KHDRBS1: variants seen among roughly 807,000 people sequenced by gnomAD.
The protein encoded by KHDRBS1 is KH RNA binding domain containing, signal transduction associated 1.
KHDRBS1 carries 7 observed loss-of-function variants against 48.4 expected under a neutral mutation model. The ratio of observed to expected loss-of-function variants is 0.14; its 90% CI spans 0.08 to 0.27. KHDRBS1 has a LOEUF of 0.27. Among genes scored for constraint, KHDRBS1 ranks in the 10% least tolerant of loss-of-function variants. The pLI, the probability that KHDRBS1 is intolerant of heterozygous loss-of-function variation, is 1.00. For missense variants in KHDRBS1, 458 were observed against 601.2 expected, an observed-to-expected ratio of 0.76 and a Z score of 2.49; for synonymous variants, 241 against 235.8, an observed-to-expected ratio of 1.02 and a Z score of -0.20.
Position 32,014,296 on chromosome 1 carries a change from A to G in KHDRBS1, c.301A>G (p.Asn101Asp). 1 of 1,561,404 alleles carries G rather than the reference A, an allele frequency of 6.4e-7. No homozygotes were observed. Among genetic ancestry groups the G allele is most frequent in the Non-Finnish European group, 8.7e-7 (1 of 1,154,236 alleles). Reference sequence around the variant, plus strand: ...AGCCTCGGTCAAGATGGAGCCAGAGAACAAGTACCTGCCCGAACTCATGGC... The same window carrying G: ...AGCCTCGGTCAAGATGGAGCCAGAGGACAAGTACCTGCCCGAACTCATGGC... ...ATASVKMEPENKYLPELMAEK... is the reference protein window; with the variant it reads ...ATASVKMEPEDKYLPELMAEK... Residue 101 changes from asparagine to aspartate, a missense_variant, in exon 1 of 9, where the codon AAC (asparagine) becomes GAC (aspartate). Physicochemically the swap from Asn to Asp is conservative, Grantham distance 23. Coordinates refer to ENST00000327300, the MANE Select transcript of KHDRBS1 (RefSeq NM_006559.3).
chr1:32,037,118 A>T lies in KHDRBS1; in HGVS notation c.905+75A>T, dbSNP rs1040936460. 2.7e-6 allele frequency: 4 copies of T among 1,505,344 alleles called. No individual in the cohort carries two copies. In the African/African-American group the frequency reaches 5.6e-5, roughly 21 times the overall value. 93.2% of individuals were successfully genotyped at this position (1,505,344 alleles called of 1,614,324 possible). ...TGTCATCTCTTTTAGTGGTGCTCTTATGTCTAGCTTAGGAAGGGTCTCAGG... is the reference window on the plus strand; with the variant it reads ...TGTCATCTCTTTTAGTGGTGCTCTTTTGTCTAGCTTAGGAAGGGTCTCAGG... On this transcript the variant is annotated intron_variant, in intron 5 of 8. Coordinates refer to ENST00000327300, the MANE Select transcript of KHDRBS1 (RefSeq NM_006559.3).
chr1:32,013,973 C>T lies in KHDRBS1; in HGVS notation c.-23C>T, dbSNP rs1263551468. The T allele has an allele frequency of 7.5e-6, 11 of 1,471,086 alleles. No individual in the cohort carries two copies. The highest frequency in any genetic ancestry group is 1.3e-5 in the South Asian group (1 of 75,348). 91.1% of individuals were successfully genotyped at this position (1,471,086 alleles called of 1,614,324 possible). ...GTCGCTGCCGCGTCGCTTTCTCGCT[C>T]CTTGGATCGCACATCCTCCCAGATG... On this transcript the variant is annotated 5_prime_UTR_variant, in exon 1 of 9. Coordinates refer to ENST00000327300, the MANE Select transcript of KHDRBS1 (RefSeq NM_006559.3).
At chr1:32,031,073 AC>A (rs1639072870) in intron 2 of KHDRBS1, among the ~76,000 whole-genome samples, 1 of 151,992 alleles carries the variant, frequency 6.6e-6, no homozygotes, top group Non-Finnish European at 1.5e-5. Context: ...ACATAGCGAA[AC>A]CCCATCTCTA....
At chr1:32,033,092 C>A in intron 3 of KHDRBS1, 96 bp from the exon 4 acceptor site, 2 of 869,032 alleles carry the variant, frequency 2.3e-6, no homozygotes, top group Non-Finnish European at 3.8e-6. Flanking sequence ...TTTTCATGGA[C>A]ATTAGGGGTA....
chr1:32,014,342 C>T lies in KHDRBS1; in HGVS notation c.347C>T (p.Pro116Leu), dbSNP rs774175994. Residue 116 changes from proline to leucine, a missense_variant, in exon 1 of 9, where the codon CCG (proline) becomes CTG (leucine). Physicochemically the swap from Pro to Leu is moderately conservative, Grantham distance 98. This residue lies in a region of KHDRBS1 where 213 missense variants were observed against 215.6 expected (regional missense o/e 0.99). Coordinates refer to ENST00000327300, the MANE Select transcript of KHDRBS1 (RefSeq NM_006559.3). ...ATGGCCGAGAAGGACTCGCTCGACC[C>T]GTCCTTCACTCACGCCATGCAGCTG... ...ELMAEKDSLD[P>L]SFTHAMQLLT... The T allele has an allele frequency of 6.5e-6, 10 of 1,529,248 alleles. No homozygotes were observed. Among genetic ancestry groups the T allele is most frequent in the South Asian group, 6.1e-5 (5 of 82,078 alleles). The allele number at this position is 1,529,248 out of a possible 1,614,324, so 94.7% of individuals were successfully genotyped here.
At chr1:32,015,522 C>T (rs931905714) in intron 1 of KHDRBS1, among the ~76,000 whole-genome samples, 3 of 152,182 alleles carry the variant, frequency 2.0e-5, no homozygotes, top group Non-Finnish European at 4.4e-5. Context: ...GGGATCTTTA[C>T]CAGTGTGGTG....
chr1:32,053,811 A>G (rs531869982), intron 10 of KHDRBS1, among the ~76,000 whole-genome samples: 1 of 152,332 alleles, frequency 6.6e-6, no homozygotes, highest in Admixed American at 6.5e-5. Context: ...GGCCGGGTGC[A>G]GTGGCTCACA....
chr1:32,052,830 T>A (rs1262246398), intron 10 of KHDRBS1: 1 of 152,168 alleles, frequency 6.6e-6, no homozygotes, highest in Admixed American at 6.5e-5. Context: ...GTGAGGTAGA[T>A]GTTATTATCC....
At chr1:32,027,050 C>G (rs750603378) in intron 1 of KHDRBS1, among the ~76,000 whole-genome samples, 3 of 152,208 alleles carry the variant, frequency 2.0e-5, no homozygotes, top group Non-Finnish European at 4.4e-5. Flanking sequence ...CCACCTCAGC[C>G]TCCCAAACTG....
chr1:32,018,376 A>G (rs1358892572), intron 1 of KHDRBS1, among the ~76,000 whole-genome samples: 1 of 151,972 alleles, frequency 6.6e-6, no homozygotes, highest in East Asian at 1.9e-4. Context: ...CAGGAAGATC[A>G]TTTGAACTCA....
At chr1:32,016,629 C>T (rs962047119) in intron 1 of KHDRBS1, among the ~76,000 whole-genome samples, 1 of 152,158 alleles carries the variant, frequency 6.6e-6, no homozygotes, top group Non-Finnish European at 1.5e-5. Flanking sequence ...ACTGTGGCTC[C>T]TCCAGGCACC....
At chr1:32,039,977 C>T (rs772693647) in intron 8 of KHDRBS1, among the ~76,000 whole-genome samples, 3 of 151,796 alleles carry the variant, frequency 2.0e-5, no homozygotes, top group Admixed American at 6.6e-5. Context: ...AGAACTTAAT[C>T]GTACACAACT....
chr1:32,027,571 A>G (rs967381805), intron 1 of KHDRBS1, among the ~76,000 whole-genome samples: 1 of 152,210 alleles, frequency 6.6e-6, no homozygotes, highest in Admixed American at 6.5e-5. Context: ...GAGCACTGTC[A>G]TTTACAGTTC....
At chr1:32,029,955 T>C (rs935238054) in intron 1 of KHDRBS1, among the ~76,000 whole-genome samples, 3 of 152,222 alleles carry the variant, frequency 2.0e-5, no homozygotes, top group African/African-American at 7.2e-5. Context: ...GATTATACTT[T>C]GTCTTGATGC....
chr1:32,033,824 G>A (rs1183820358), intron 4 of KHDRBS1, among the ~76,000 whole-genome samples: 2 of 152,166 alleles, frequency 1.3e-5, no homozygotes, highest in Admixed American at 6.5e-5. Flanking sequence ...TTTCTTTCCT[G>A]GAGGAGTTTG....
At chr1:32,014,992 G>A (rs1638708157) in intron 1 of KHDRBS1, among the ~76,000 whole-genome samples, 1 of 152,174 alleles carries the variant, frequency 6.6e-6, no homozygotes, top group African/African-American at 2.4e-5. Context: ...GACTAAGGCT[G>A]ATAAAATAAG....
Position 32,037,992 on chromosome 1 carries a change from A to T in KHDRBS1, c.1063A>T (p.Ile355Leu), listed in dbSNP as rs1295336277. ...AGCACGGACAGCGGGCATCCAGAGG[A>T]TACCTTTGCCTCCACCTCCTGCACC... ...PRARTAGIQR[I>L]PLPPPPAPET... Residue 355 changes from isoleucine to leucine, a missense_variant, in exon 6 of 9, where the codon ATA becomes TTA. Ile to Leu is a conservative substitution (Grantham distance 5, BLOSUM62 2). Transcript: ENST00000327300. 6.2e-7 allele frequency: 1 copy of T among 1,614,214 alleles called. No individual in the cohort carries two copies. Among genetic ancestry groups the T allele is most frequent in the South Asian group, 1.1e-5 (1 of 91,084 alleles).
intron 1 of KHDRBS1, among the ~76,000 whole-genome samples, chr1:32,016,186 GAAAAAAA>G (rs576956025): frequency 1.2e-5 from 1 of 84,814 alleles, no homozygotes; most frequent in African/African-American, 4.0e-5. Flanking sequence ...CTCAAAAAAG[GAAAAAAA>G]AAAAAAAAAG....
chr1:32,041,789 C>T (rs1037513771), intron 8 of KHDRBS1, among the ~76,000 whole-genome samples: 1 of 152,006 alleles, frequency 6.6e-6, no homozygotes, highest in African/African-American at 2.4e-5. Flanking sequence ...GGGGTTTCAC[C>T]CTGTTGGTCA....
Sources: gnomAD v4.1 joint callset for allele counts (sites outside exome capture counted in the v4.1 genomes callset) on GRCh38, gnomAD v4.1.1 for gene constraint, gnomAD v4.1.1 regional missense constraint, MANE v1.5 for transcripts, NCBI Gene and HGNC (gene_info 2026-07-23, HGNC 2026-07-21) for gene names.